Variants in SGK1 observed in about 807,000 individuals in gnomAD.
SGK1 encodes serine/threonine-protein kinase Sgk1.
Under a neutral mutation model 64.2 loss-of-function variants are expected in SGK1, and 26 were observed. The ratio of observed to expected loss-of-function variants is 0.40; its 90% confidence interval spans 0.30 to 0.56. The LOEUF (loss-of-function observed/expected upper bound fraction) is 0.56, where lower values mean the gene tolerates loss of function less well. Among genes scored for constraint, SGK1 ranks in the 20% least tolerant of loss-of-function variants. SGK1 has a pLI of 0.38. For synonymous variants in SGK1, 265 were observed against 239.7 expected (o/e 1.11, Z -0.98); for missense variants, 519 against 645.6 (o/e 0.80, Z 2.12).
At chr6:134,304,091 GGAGA>G (rs1414131048) in intron 1 of SGK1, among the ~76,000 whole-genome samples, 3 of 152,136 alleles carry the variant, frequency 2.0e-5, no homozygotes, top group Non-Finnish European at 4.4e-5. Flanking sequence ...CAAGCTATGT[GGAGA>G]GAGAAAGAGG....
chr6:134,172,746 C>T lies in SGK1; in HGVS notation c.863G>A (p.Cys288Tyr), dbSNP rs760685664. The change falls in exon 9 of 14, where the codon TGC becomes TAC. Residue 288 changes from cysteine to tyrosine, a missense_variant. By Grantham distance (194) the Cys-to-Tyr change is radical. Coordinates refer to ENST00000367858, the MANE Select transcript of SGK1 (RefSeq NM_001143676.3). ...GAAACGAGCCCGTGGTTCCAGGAAG[C>T]AGCGTTCCCTCTGGAGATGGTAGAA... Reference protein sequence around the residue: ...ELFYHLQRERCFLEPRARFYA... With the variant: ...ELFYHLQRERYFLEPRARFYA... 5 of 1,613,960 alleles carry T rather than the reference C, an allele frequency of 3.1e-6. No homozygotes were observed. Among genetic ancestry groups the T allele is most frequent in the Non-Finnish European group, 4.2e-6 (5 of 1,179,808 alleles).
chr6:134,208,882 A>G (rs1775838287), intron 2 of SGK1, among the ~76,000 whole-genome samples: 5 of 82,958 alleles, frequency 6.0e-5, no homozygotes, highest in Non-Finnish European at 1.3e-4. Flanking sequence ...GCATATACAT[A>G]CATGTATGTG....
intron 2 of SGK1, among the ~76,000 whole-genome samples, chr6:134,225,016 AAAAAAAAG>A (rs1256190476): frequency 3.3e-5 from 5 of 149,570 alleles, no homozygotes; most frequent in African/African-American, 4.9e-5. Context: ...CTCAAAAAAA[AAAAAAAAG>A]AAAAAAGAAA....
rs751305323 is a variant in SGK1 at position 134,262,020 on chromosome 6, T to C, written c.198A>G (p.Gln66=). ...GGAAAGCATGTTCACCCAGGCATGT[T>C]TGACACAAGGAAGACTCGAAGTCTG... ...GEPDFESSLC[Q]TCLGEHAFQR... Residue 66 remains glutamine, a synonymous_variant, in exon 2 of 14, where the codon CAA becomes CAG. Coordinates refer to ENST00000367858, the MANE Select transcript of SGK1 (RefSeq NM_001143676.3). The C allele has an allele frequency of 4.3e-6, 7 of 1,613,938 alleles. No individual in the cohort carries two copies. Among genetic ancestry groups the C allele is most frequent in the Non-Finnish European group, 5.9e-6 (7 of 1,179,846 alleles).
At chr6:134,243,419 G>C (rs1046892604) in intron 2 of SGK1, among the ~76,000 whole-genome samples, 1 of 151,882 alleles carries the variant, frequency 6.6e-6, no homozygotes, top group African/African-American at 2.4e-5. Context: ...GCCCAGGCTG[G>C]AGTGCAATGG....
chr6:134,276,584 T>C (rs1777020410), intron 1 of SGK1, among the ~76,000 whole-genome samples: 1 of 152,148 alleles, frequency 6.6e-6, no homozygotes, highest in South Asian at 2.1e-4. Flanking sequence ...AATGTTAGCA[T>C]GATCTGATCA....
At chr6:134,244,445 C>CT (rs567729860) in intron 2 of SGK1, among the ~76,000 whole-genome samples, 1 of 152,238 alleles carries the variant, frequency 6.6e-6, no homozygotes, top group South Asian at 2.1e-4. Context: ...GTGCACGTGT[C>CT]TTTATAGTAG....
At chr6:134,267,210 T>C (rs978990526) in intron 1 of SGK1, among the ~76,000 whole-genome samples, 1 of 152,090 alleles carries the variant, frequency 6.6e-6, no homozygotes, top group Non-Finnish European at 1.5e-5. Context: ...TATTTTTATT[T>C]CTTTTTGTTT....
At chr6:134,233,647 A>T (rs115571915) in intron 2 of SGK1, among the ~76,000 whole-genome samples, 1,818 of 152,308 alleles carry the variant, frequency 0.012, 37 homozygotes, top group African/African-American at 0.042. Flanking sequence ...AATCATTTTC[A>T]CCCTGCTTTC....
chr6:134,192,705 G>C (rs1330916141), intron 3 of SGK1, among the ~76,000 whole-genome samples: 1 of 151,904 alleles, frequency 6.6e-6, no homozygotes, highest in Non-Finnish European at 1.5e-5. Flanking sequence ...GAGTAGCTGG[G>C]ATTACAGGCA....
chr6:134,262,665 C>T (rs1427482397), intron 1 of SGK1, among the ~76,000 whole-genome samples: 13 of 152,040 alleles, frequency 8.6e-5, no homozygotes, highest in Admixed American at 8.5e-4. Flanking sequence ...CCCCGCTGCA[C>T]TCCAGCCTGG....
chr6:134,305,491 T>G lies in SGK1; in HGVS notation c.69+11901A>C, dbSNP rs140620094. Among the ~76,000 whole-genome samples the G allele has an allele frequency of 1.3e-3, 198 of 150,936 alleles. 2 individuals carry two copies. The highest frequency in any genetic ancestry group is 4.7e-3 in the African/African-American group (194 of 41,048). Reference sequence around the variant, plus strand: ...GGGTGGCTGAGGCAAAAGAATCACTTGAACCCAGGAAGCAGAGATTGCAGT... The same window carrying G: ...GGGTGGCTGAGGCAAAAGAATCACTGGAACCCAGGAAGCAGAGATTGCAGT... On this transcript the variant is annotated intron_variant, in intron 1 of 13. Coordinates refer to ENST00000367858, the MANE Select transcript of SGK1 (RefSeq NM_001143676.3).
At chr6:134,265,658 T>C (rs7750955) in intron 1 of SGK1, among the ~76,000 whole-genome samples, 2,168 of 146,938 alleles carry the variant, frequency 0.015, 51 homozygotes, top group African/African-American at 0.05. Context: ...AGAAACACTA[T>C]AGACATAAAG....
At position 134,171,731 on chromosome 6, in the gene SGK1, T is replaced by C; in HGVS notation, c.1073A>G (p.Tyr358Cys). 6.2e-7 allele frequency: 1 copy of C among 1,608,672 alleles called. No individual in the cohort carries two copies. The highest frequency in any genetic ancestry group is 8.5e-7 in the Non-Finnish European group (1 of 1,175,200). ...CTTATGAAGCACCTCAGGTGCGAGA[T>C]ACTGAAAAACAGACCAGGGAAACAG... ...TTSTFCGTPEYLAPEVLHKQP... is the reference protein window; with the variant it reads ...TTSTFCGTPECLAPEVLHKQP... The change falls in exon 11 of 14, where the codon TAT becomes TGT. Residue 358 changes from tyrosine to cysteine, a missense_variant and splice_region_variant. This residue lies in a region of SGK1 where 278 missense variants were observed against 408.7 expected (regional missense o/e 0.68). Transcript: ENST00000367858.
chr6:134,273,406 C>T (rs11967015), intron 1 of SGK1, among the ~76,000 whole-genome samples: 17,915 of 145,828 alleles, frequency 0.12, 1,930 homozygotes, highest in African/African-American at 0.23. Context: ...CCGGCTAAAA[C>T]GGTGAAACCC....
chr6:134,198,310 C>T (rs939394288), intron 3 of SGK1, among the ~76,000 whole-genome samples: 1 of 152,180 alleles, frequency 6.6e-6, no homozygotes, highest in Non-Finnish European at 1.5e-5. Flanking sequence ...TATCAGGAGG[C>T]AAAGTCTACC....
At chr6:134,175,956 A>T in intron 3 of SGK1, 1 of 1,160,372 alleles carries the variant, frequency 8.6e-7, no homozygotes. Context: ...CGGAAATAAA[A>T]GTCGTCTCTG....
intron 11 of SGK1, 149 bp downstream of exon 11, chr6:134,171,488 C>A: frequency 1.6e-6 from 1 of 632,220 alleles, no homozygotes; most frequent in South Asian, 2.0e-5. Context: ...AGTGATTATT[C>A]TTATGAACTA....
chr6:134,260,370 C>CCCCT (rs1776746739), intron 2 of SGK1: 1 of 93,984 alleles, frequency 1.1e-5, no homozygotes, highest in Non-Finnish European at 2.5e-5. Context: ...TGTCCCCGAC[C>CCCCT]CCCACCCCCC....
Sources: allele counts gnomAD v4.1 joint callset (sites outside exome capture counted in the v4.1 genomes callset), GRCh38; gene constraint gnomAD v4.1.1; regional missense constraint gnomAD v4.1.1; transcripts MANE v1.5; gene names NCBI Gene and HGNC (gene_info 2026-07-23, HGNC 2026-07-21).